CDH18: variants seen among roughly 807,000 people sequenced by gnomAD.
CDH18 encodes cadherin-18.
CDH18 carries 31 observed loss-of-function variants against 67.9 expected under a neutral mutation model. That is an observed-to-expected ratio of 0.46 (90% CI 0.34 to 0.62). The LOEUF (loss-of-function observed/expected upper bound fraction) is 0.62. Ranked by LOEUF, CDH18 falls within the 20% of genes least tolerant of loss-of-function variation. The pLI, the probability that CDH18 is intolerant of heterozygous loss-of-function variation, is 0.01. For synonymous variants in CDH18, 362 were observed against 347.2 expected (o/e 1.04, Z -0.48); for missense variants, 890 against 975.5 (o/e 0.91, Z 1.17).
At chr5:20,266,474 C>G (rs1745041395) in intron 1 of CDH18, among the ~76,000 whole-genome samples, 1 of 151,866 alleles carries the variant, frequency 6.6e-6, no homozygotes, top group South Asian at 2.1e-4. Flanking sequence ...TGCGATTTCA[C>G]CTCACTGCAA....
At chr5:19,953,354 T>C (rs1000708208) in intron 2 of CDH18, among the ~76,000 whole-genome samples, 1 of 152,110 alleles carries the variant, frequency 6.6e-6, no homozygotes, top group African/African-American at 2.4e-5. Flanking sequence ...TATTAATCAA[T>C]TAAAGAACTA....
intron 1 of CDH18, among the ~76,000 whole-genome samples, chr5:20,533,075 A>G (rs1367695217): frequency 3.9e-5 from 6 of 152,068 alleles, no homozygotes; most frequent in Non-Finnish European, 8.8e-5. Flanking sequence ...ACTCATGTCA[A>G]TCAATAGAGA....
intron 8 of CDH18, among the ~76,000 whole-genome samples, chr5:19,554,188 A>T: frequency 6.6e-6 from 1 of 152,226 alleles, no homozygotes; most frequent in African/African-American, 2.4e-5. Context: ...CTCCTGAATC[A>T]AAACTTCCAT....
intron 2 of CDH18, among the ~76,000 whole-genome samples, chr5:20,062,104 A>G (rs1204045463): frequency 6.6e-6 from 1 of 150,942 alleles, no homozygotes; most frequent in African/African-American, 2.4e-5. Context: ...CTAAAATCAT[A>G]CAACTTGAGA....
At chr5:20,104,508 G>A (rs573079873) in intron 2 of CDH18, among the ~76,000 whole-genome samples, 9 of 152,250 alleles carry the variant, frequency 5.9e-5, no homozygotes, top group African/African-American at 1.9e-4. Flanking sequence ...AAAATACTCT[G>A]ATGACTTCTC....
chr5:19,559,114 T>C (rs552527801), intron 8 of CDH18, among the ~76,000 whole-genome samples: 59 of 152,296 alleles, frequency 3.9e-4, no homozygotes, highest in Non-Finnish European at 6.8e-4. Context: ...TAATGTTCTA[T>C]CATTTTTATT....
chr5:20,549,904 GT>G (rs556900789), intron 1 of CDH18, among the ~76,000 whole-genome samples: 177 of 152,228 alleles, frequency 1.2e-3, no homozygotes, highest in African/African-American at 4.2e-3. Context: ...ATAAAAAATT[GT>G]TTCAACATAT....
chr5:20,467,886 T>A (rs1751756063), intron 1 of CDH18, among the ~76,000 whole-genome samples: 1 of 152,114 alleles, frequency 6.6e-6, no homozygotes, highest in African/African-American at 2.4e-5. Flanking sequence ...TTTTCCGTAC[T>A]TTTGGCTAAT....
At chr5:20,508,655 T>C (rs1382413489) in intron 1 of CDH18, among the ~76,000 whole-genome samples, 3 of 151,904 alleles carry the variant, frequency 2.0e-5, no homozygotes, top group East Asian at 3.9e-4. Flanking sequence ...GGCAAGAATA[T>C]AGAGTTTGCA....
intron 2 of CDH18, among the ~76,000 whole-genome samples, chr5:20,104,748 G>T (rs1454893293): frequency 6.6e-6 from 1 of 151,796 alleles, no homozygotes; most frequent in African/African-American, 2.4e-5. Context: ...TCATTGGTTG[G>T]AGATCTTTAT....
intron 1 of CDH18, among the ~76,000 whole-genome samples, chr5:20,308,479 G>A (rs1012377476): frequency 1.3e-5 from 2 of 151,428 alleles, no homozygotes; most frequent in African/African-American, 4.9e-5. Context: ...GGAGGGGGAG[G>A]TTGCAGTGAG....
intron 1 of CDH18, among the ~76,000 whole-genome samples, chr5:20,423,668 G>T (rs1004981929): frequency 6.6e-6 from 1 of 150,824 alleles, no homozygotes; most frequent in African/African-American, 2.5e-5. Context: ...CCTAGAGGCC[G>T]GGCGCGGTGG....
intron 7 of CDH18, among the ~76,000 whole-genome samples, chr5:19,580,513 A>T (rs1054072556): frequency 6.6e-6 from 1 of 151,890 alleles, no homozygotes; most frequent in Non-Finnish European, 1.5e-5. Flanking sequence ...TCCATCTCAA[A>T]TACAGCTGTT....
chr5:19,780,980 A>C (rs1775044773), intron 3 of CDH18, among the ~76,000 whole-genome samples: 3 of 152,162 alleles, frequency 2.0e-5, no homozygotes, highest in Non-Finnish European at 4.4e-5. Flanking sequence ...TAAATACAGC[A>C]AGTCAAATAT....
intron 1 of CDH18, among the ~76,000 whole-genome samples, chr5:20,421,522 G>A (rs1459723050): frequency 6.6e-6 from 1 of 150,724 alleles, no homozygotes; most frequent in African/African-American, 2.5e-5. Context: ...ATGAAATACA[G>A]AACATTCCTA....
At chr5:20,483,819 A>C (rs1301132100) in intron 1 of CDH18, among the ~76,000 whole-genome samples, 1 of 152,066 alleles carries the variant, frequency 6.6e-6, no homozygotes, top group East Asian at 1.9e-4. Flanking sequence ...ACCTCAAACT[A>C]TGAAACTAGT....
intron 1 of CDH18, among the ~76,000 whole-genome samples, chr5:20,564,166 T>A (rs996496527): frequency 6.6e-6 from 1 of 152,058 alleles, no homozygotes; most frequent in Non-Finnish European, 1.5e-5. Flanking sequence ...ATAACGACCT[T>A]ACATTTCAGC....
intron 2 of CDH18, among the ~76,000 whole-genome samples, chr5:19,945,688 A>T (rs1418641130): frequency 6.6e-6 from 1 of 152,178 alleles, no homozygotes; most frequent in African/African-American, 2.4e-5. Flanking sequence ...AAACAAACAA[A>T]TGGAAATTAT....
At chr5:20,491,922 C>T (rs1243817778) in intron 1 of CDH18, among the ~76,000 whole-genome samples, 1 of 152,052 alleles carries the variant, frequency 6.6e-6, no homozygotes, top group Non-Finnish European at 1.5e-5. Flanking sequence ...ATTCAGTTTT[C>T]ATAATGTTTA....
Sources: allele counts gnomAD v4.1 joint callset (sites outside exome capture counted in the v4.1 genomes callset), GRCh38; gene constraint gnomAD v4.1.1; transcripts MANE v1.5; gene names NCBI Gene and HGNC (gene_info 2026-07-23, HGNC 2026-07-21).